The following ASPRV1 variants were observed in gnomAD, a reference collection of about 807,000 sequenced individuals.
The protein encoded by ASPRV1 is retroviral-like aspartic protease 1.
ASPRV1 carries 7 observed loss-of-function variants against 11.0 expected under a neutral mutation model. The observed-to-expected ratio is 0.64, with a 90% confidence interval of 0.36 to 1.20. The LOEUF is 1.20. ASPRV1 is among the 50% of genes most tolerant of loss of function. ASPRV1 has a pLI of 0.02. For synonymous variants in ASPRV1, 136 were observed against 138.4 expected (o/e 0.98, Z 0.12); for missense variants, 299 against 320.0 (o/e 0.93, Z 0.50).
chr2:70,058,478 A>C, the ASPRV1 span, among the ~76,000 whole-genome samples: 1 of 151,516 alleles, frequency 6.6e-6, no homozygotes, highest in South Asian at 2.1e-4. Flanking sequence ...CCTGGCCTCA[A>C]GTGACAGCCT....
At chr2:70,066,205 A>G in the ASPRV1 span, among the ~76,000 whole-genome samples, 20 of 152,234 alleles carry the variant, frequency 1.3e-4, no homozygotes, top group Non-Finnish European at 2.2e-4. Flanking sequence ...CTCTGTCTCC[A>G]AAACACAAAG....
the ASPRV1 span, among the ~76,000 whole-genome samples, chr2:69,949,598 G>T: frequency 3.3e-5 from 5 of 152,120 alleles, no homozygotes; most frequent in Non-Finnish European, 7.4e-5. Context: ...AGGACAATTT[G>T]GTCTAAAAGT....
chr2:70,039,767 T>G, the ASPRV1 span, among the ~76,000 whole-genome samples: 1 of 152,238 alleles, frequency 6.6e-6, no homozygotes, highest in Non-Finnish European at 1.5e-5. Flanking sequence ...TCTCCACGAC[T>G]TCCATTTTAC....
the ASPRV1 span, among the ~76,000 whole-genome samples, chr2:69,948,130 C>T: frequency 6.6e-6 from 1 of 151,602 alleles, no homozygotes; most frequent in Non-Finnish European, 1.5e-5. Context: ...GCCTGTGGTC[C>T]CAGCTACCTG....
the ASPRV1 span, chr2:69,939,258 A>G: frequency 2.0e-5 from 3 of 152,672 alleles, no homozygotes; most frequent in Admixed American, 2.0e-4. Flanking sequence ...AGTGAAAGAA[A>G]AAGTCCACAT....
the ASPRV1 span, among the ~76,000 whole-genome samples, chr2:70,036,509 G>A: frequency 4.6e-5 from 7 of 152,084 alleles, no homozygotes; most frequent in Admixed American, 3.3e-4. Flanking sequence ...AGTCTCTCAG[G>A]CAGGAAGAGG....
chr2:69,954,178 G>C, the ASPRV1 span, among the ~76,000 whole-genome samples: 1 of 152,146 alleles, frequency 6.6e-6, no homozygotes, highest in African/African-American at 2.4e-5. Context: ...GAGAATGAAG[G>C]CTCCTCATGG....
At chr2:70,018,861 G>A in the ASPRV1 span, 1 of 152,266 alleles carries the variant, frequency 6.6e-6, no homozygotes, top group African/African-American at 2.4e-5. Context: ...CATTGGTCTG[G>A]GCAAAAATTT....
At chr2:70,037,475 C>G in the ASPRV1 span, among the ~76,000 whole-genome samples, 81 of 152,326 alleles carry the variant, frequency 5.3e-4, no homozygotes, top group Middle Eastern at 0.014. Flanking sequence ...TACAGGTGTG[C>G]ACCACCACTC....
the ASPRV1 span, chr2:70,085,832 G>A: frequency 6.6e-6 from 1 of 152,248 alleles, no homozygotes; most frequent in African/African-American, 2.4e-5. Flanking sequence ...ACTGTCCTAT[G>A]AAAAAGTCAG....
At chr2:69,951,056 A>G in the ASPRV1 span, among the ~76,000 whole-genome samples, 3 of 152,028 alleles carry the variant, frequency 2.0e-5, no homozygotes, top group Non-Finnish European at 4.4e-5. Context: ...ATATAGAGAA[A>G]GGTCTGGAAA....
the ASPRV1 span, among the ~76,000 whole-genome samples, chr2:69,953,384 G>A: frequency 6.6e-6 from 1 of 152,234 alleles, no homozygotes; most frequent in Non-Finnish European, 1.5e-5. Flanking sequence ...CACATGGGGT[G>A]GGTGCCTGGC....
At chr2:70,057,061 A>T in the ASPRV1 span, among the ~76,000 whole-genome samples, 1 of 151,762 alleles carries the variant, frequency 6.6e-6, no homozygotes, top group South Asian at 2.1e-4. Flanking sequence ...TTAAAAAGGT[A>T]ATGTTCATAT....
At chr2:70,079,938 T>G in the ASPRV1 span, among the ~76,000 whole-genome samples, 2 of 152,224 alleles carry the variant, frequency 1.3e-5, no homozygotes, top group Non-Finnish European at 2.9e-5. Context: ...GTGAATAATG[T>G]TGAACAAATG....
chr2:69,972,399 C>T, the ASPRV1 span, among the ~76,000 whole-genome samples: 1 of 149,814 alleles, frequency 6.7e-6, no homozygotes, highest in Admixed American at 6.7e-5. Context: ...GCTCTGTCGC[C>T]CAGGCTGGAG....
the ASPRV1 span, among the ~76,000 whole-genome samples, chr2:70,084,842 TA>T: frequency 6.6e-6 from 1 of 152,256 alleles, no homozygotes; most frequent in South Asian, 2.1e-4. Context: ...CCTAGTGCTG[TA>T]ACTGTCATCG....
chr2:70,079,737 C>T, the ASPRV1 span, among the ~76,000 whole-genome samples: 3 of 152,222 alleles, frequency 2.0e-5, no homozygotes, highest in South Asian at 2.1e-4. Context: ...ACTGACTCTA[C>T]ATACATTTTC....
the ASPRV1 span, among the ~76,000 whole-genome samples, chr2:70,024,285 C>T: frequency 6.6e-6 from 1 of 152,064 alleles, no homozygotes; most frequent in African/African-American, 2.4e-5. Flanking sequence ...ATAGTGGCAG[C>T]AGAAGTGATA....
chr2:70,045,039 CAT>C, the ASPRV1 span, among the ~76,000 whole-genome samples: 1 of 152,140 alleles, frequency 6.6e-6, no homozygotes, highest in Admixed American at 6.6e-5. Context: ...ATCTTTCCCA[CAT>C]ATGTTGCTGC....
Sources: allele counts gnomAD v4.1 joint callset (sites outside exome capture counted in the v4.1 genomes callset), GRCh38; gene constraint gnomAD v4.1.1; transcripts MANE v1.5; gene names NCBI Gene and HGNC (gene_info 2026-07-23, HGNC 2026-07-21).